Variants in OPCML observed in about 807,000 individuals in gnomAD.
OPCML encodes the protein opioid-binding protein/cell adhesion molecule.
Under a neutral mutation model 37.8 loss-of-function variants are expected in OPCML, and 13 were observed. That is an observed-to-expected ratio of 0.34 (90% CI 0.22 to 0.55). OPCML has a LOEUF of 0.55. Among genes scored for constraint, OPCML ranks in the 20% least tolerant of loss-of-function variants. The pLI is 0.91. For synonymous variants in OPCML, 176 were observed against 168.8 expected (o/e 1.04, Z -0.33); for missense variants, 341 against 435.6 (o/e 0.78, Z 1.93).
At chr11:132,446,462 C>CA (rs921216115) in intron 4 of OPCML, among the ~76,000 whole-genome samples, 2 of 151,036 alleles carry the variant, frequency 1.3e-5, no homozygotes, top group African/African-American at 2.4e-5. Context: ...CTATTTGGGC[C>CA]AAAAAAAGTC....
At chr11:133,250,567 A>C in intron 1 of OPCML, among the ~76,000 whole-genome samples, 1 of 151,900 alleles carries the variant, frequency 6.6e-6, no homozygotes, top group South Asian at 2.1e-4. Context: ...GAGGGAGGGA[A>C]GGAAGGAAGA....
At chr11:132,573,748 A>T (rs1187885919) in intron 3 of OPCML, among the ~76,000 whole-genome samples, 1 of 151,984 alleles carries the variant, frequency 6.6e-6, no homozygotes, top group Non-Finnish European at 1.5e-5. Flanking sequence ...TGGCCTCATA[A>T]AAACAGTTTA....
At chr11:132,518,484 G>A (rs1438795887) in intron 4 of OPCML, among the ~76,000 whole-genome samples, 1 of 152,152 alleles carries the variant, frequency 6.6e-6, no homozygotes, top group Non-Finnish European at 1.5e-5. Flanking sequence ...ATGCATTCAA[G>A]ACACAGCTCT....
chr11:132,522,791 A>T (rs1591502302), intron 4 of OPCML, among the ~76,000 whole-genome samples: 1 of 152,200 alleles, frequency 6.6e-6, no homozygotes, highest in South Asian at 2.1e-4. Flanking sequence ...TAACACCACC[A>T]TCCAACAGGG....
intron 1 of OPCML, among the ~76,000 whole-genome samples, chr11:133,381,040 C>T (rs367605808): frequency 6.6e-6 from 1 of 152,170 alleles, no homozygotes; most frequent in Non-Finnish European, 1.5e-5. Flanking sequence ...GTGTGCTACA[C>T]CCAGAGTGTG....
intron 1 of OPCML, among the ~76,000 whole-genome samples, chr11:133,365,031 CTCTA>C (rs903596969): frequency 1.0e-4 from 14 of 139,038 alleles, no homozygotes; most frequent in African/African-American, 4.0e-4. Flanking sequence ...CTGCCTCTCT[CTCTA>C]TCTCTCTCTC....
intron 1 of OPCML, among the ~76,000 whole-genome samples, chr11:133,158,780 G>A (rs1432153678): frequency 6.8e-6 from 1 of 147,842 alleles, no homozygotes; most frequent in Non-Finnish European, 1.5e-5. Context: ...AAATTTCTAG[G>A]AGGTATGAAA....
At chr11:133,363,669 G>T (rs529867667) in intron 1 of OPCML, among the ~76,000 whole-genome samples, 122 of 152,312 alleles carry the variant, frequency 8.0e-4, no homozygotes, top group Non-Finnish European at 1.3e-3. Flanking sequence ...AAGCAGGTGA[G>T]CTGTGAAAGG....
intron 1 of OPCML, among the ~76,000 whole-genome samples, chr11:133,249,460 T>C (rs61912367): frequency 0.098 from 14,841 of 152,156 alleles, 775 homozygotes; most frequent in Admixed American, 0.13. Flanking sequence ...ACCTCCAACA[T>C]TGCGGATCAA....
intron 2 of OPCML, among the ~76,000 whole-genome samples, chr11:132,720,086 AAT>A (rs1565805638): frequency 6.6e-6 from 1 of 152,228 alleles, no homozygotes; most frequent in Non-Finnish European, 1.5e-5. Context: ...TGGAAAGGGA[AAT>A]ATCTCATAAC....
At chr11:132,489,784 T>C (rs2137062135) in intron 4 of OPCML, among the ~76,000 whole-genome samples, 1 of 152,228 alleles carries the variant, frequency 6.6e-6, no homozygotes, top group South Asian at 2.1e-4. Context: ...CCACCAATCA[T>C]CTAGGTTTTA....
At chr11:132,821,012 T>G (rs1939954004) in intron 2 of OPCML, among the ~76,000 whole-genome samples, 3 of 152,192 alleles carry the variant, frequency 2.0e-5, no homozygotes, top group Non-Finnish European at 4.4e-5. Flanking sequence ...ATCACTTGAA[T>G]GTACCATAGA....
intron 1 of OPCML, among the ~76,000 whole-genome samples, chr11:133,265,745 C>A (rs923838982): frequency 1.3e-5 from 2 of 152,138 alleles, no homozygotes; most frequent in African/African-American, 4.8e-5. Context: ...GGCGCTCCTC[C>A]CAGGTGTCAG....
At chr11:132,853,419 A>G (rs1280009065) in intron 2 of OPCML, among the ~76,000 whole-genome samples, 1 of 152,234 alleles carries the variant, frequency 6.6e-6, no homozygotes, top group Non-Finnish European at 1.5e-5. Context: ...AAAATTGAGC[A>G]TGGTAAAAAT....
In OPCML at chr11:132,689,640, G is replaced by T. The variant is rs1484609619; in HGVS notation, c.147-32321C>A. 5.9e-5 allele frequency among the ~76,000 whole-genome samples: 9 copies of T among 152,192 alleles called. No homozygotes were observed. The East Asian group carries it at 1.7e-3, about 29-fold the overall frequency. On this transcript the variant is annotated intron_variant, in intron 2 of 7. Coordinates refer to ENST00000524381, the MANE Select transcript of OPCML (RefSeq NM_001012393.5). Reference sequence around the variant, plus strand: ...GAAGGTAGAGACGAGGTGTCATGAGGCAGGAAGAGCAGTACTGCACAGAAT... The same window carrying T: ...GAAGGTAGAGACGAGGTGTCATGAGTCAGGAAGAGCAGTACTGCACAGAAT...
intron 1 of OPCML, among the ~76,000 whole-genome samples, chr11:133,411,019 A>G (rs1408601005): frequency 1.3e-5 from 2 of 152,308 alleles, no homozygotes; most frequent in African/African-American, 4.8e-5. Context: ...TCCCTTGGTT[A>G]GACCTGTGGC....
intron 1 of OPCML, among the ~76,000 whole-genome samples, chr11:133,086,797 C>CT (rs1260345627): frequency 6.6e-6 from 1 of 152,166 alleles, no homozygotes; most frequent in African/African-American, 2.4e-5. Flanking sequence ...ATGAATTTGA[C>CT]TTTTTAAGAT....
intron 1 of OPCML, among the ~76,000 whole-genome samples, chr11:133,074,068 T>A (rs1326104189): frequency 6.6e-6 from 1 of 152,240 alleles, no homozygotes; most frequent in Non-Finnish European, 1.5e-5. Flanking sequence ...ATCTCATTCA[T>A]TATTTGCCGA....
At chr11:132,995,184 G>A (rs1243810014) in intron 1 of OPCML, among the ~76,000 whole-genome samples, 1 of 152,322 alleles carries the variant, frequency 6.6e-6, no homozygotes, top group African/African-American at 2.4e-5. Flanking sequence ...AAGACTAAAC[G>A]TGAGCGGGTA....
Sources: gnomAD v4.1 joint callset for allele counts (sites outside exome capture counted in the v4.1 genomes callset) on GRCh38, gnomAD v4.1.1 for gene constraint, MANE v1.5 for transcripts, NCBI Gene and HGNC (gene_info 2026-07-23, HGNC 2026-07-21) for gene names.